The following ATP9A variants were observed in gnomAD, a reference collection of about 807,000 sequenced individuals.
The protein encoded by ATP9A is probable phospholipid-transporting ATPase IIA.
In ATP9A, 52 loss-of-function variants were observed where a neutral mutation model predicts 144.1. The observed-to-expected ratio is 0.36, with a 90% CI of 0.29 to 0.45. ATP9A has a LOEUF of 0.45. Ranked by LOEUF, ATP9A falls within the 20% of genes least tolerant of loss-of-function variation. ATP9A has a pLI of 1.00. For missense variants in ATP9A, 947 were observed against 1,392.7 expected, an observed-to-expected ratio of 0.68 and a Z score of 5.09; for synonymous variants, 582 against 557.4, an observed-to-expected ratio of 1.04 and a Z score of -0.62.
rs2077124736 is a variant in ATP9A at position 51,597,623 on chromosome 20, G to A, written c.*3588C>T. 6.6e-6 allele frequency: 1 copy of A among 152,146 alleles called. No individual in the cohort carries two copies. The highest frequency in any genetic ancestry group is 1.5e-5 in the Non-Finnish European group (1 of 68,038). 9.4% of individuals were successfully genotyped at this position (152,146 alleles called of 1,614,324 possible). ...GGTGTTTAAGTAGGATGGAGCAGAA[G>A]AATGTACATGTCCCATTTGCAATTT... is the stretch of plus-strand genomic sequence containing the variant. On this transcript the variant is annotated 3_prime_UTR_variant, in exon 28 of 28. Coordinates refer to ENST00000338821, the MANE Select transcript of ATP9A (RefSeq NM_006045.3).
chr20:51,675,499 CAGG>C (rs2077473114), intron 10 of ATP9A, among the ~76,000 whole-genome samples: 1 of 152,172 alleles, frequency 6.6e-6, no homozygotes, highest in Non-Finnish European at 1.5e-5. Flanking sequence ...CATGCACTCA[CAGG>C]GCTGTTATGA....
At chr20:51,752,876 G>T (rs1461668404) in intron 1 of ATP9A, among the ~76,000 whole-genome samples, 1 of 152,174 alleles carries the variant, frequency 6.6e-6, no homozygotes, top group Non-Finnish European at 1.5e-5. Context: ...GCCAAGGTGG[G>T]TGGATCACCT....
intron 1 of ATP9A, among the ~76,000 whole-genome samples, chr20:51,751,393 G>A (rs1422586760): frequency 6.6e-6 from 1 of 150,504 alleles, no homozygotes; most frequent in Non-Finnish European, 1.5e-5. Flanking sequence ...CCAAGTAACT[G>A]AGACCACAAA....
At chr20:51,644,051 C>T (rs185726637) in intron 14 of ATP9A, among the ~76,000 whole-genome samples, 3 of 151,956 alleles carry the variant, frequency 2.0e-5, no homozygotes, top group South Asian at 2.1e-4. Flanking sequence ...AGGAGAATCG[C>T]GTGAACCCCA....
At chr20:51,727,460 C>G (rs1435366319) in intron 2 of ATP9A, among the ~76,000 whole-genome samples, 1 of 151,764 alleles carries the variant, frequency 6.6e-6, no homozygotes, top group Non-Finnish European at 1.5e-5. Flanking sequence ...GTGGCATGCA[C>G]CCGTAGTCCC....
chr20:51,694,032 G>A lies in ATP9A; in HGVS notation c.618C>T (p.Cys206=), dbSNP rs1429231305. The A allele has an allele frequency of 1.2e-6, 2 of 1,613,874 alleles. No homozygotes were observed. The highest frequency in any genetic ancestry group is 1.3e-5 in the African/African-American group (1 of 75,038). The change falls in exon 7 of 28, where the codon TGC becomes TGT. Residue 206 remains cysteine, a synonymous_variant. Coordinates refer to ENST00000338821, the MANE Select transcript of ATP9A (RefSeq NM_006045.3). The stretch of plus-strand genomic sequence containing the variant: ...CGGCGGCCGTGGGGAGCCTCTGCGT[G>A]CAGGCCACGGGAAGCCGCAGCTTCC... The part of the protein sequence containing the change: ...TDWKLRLPVA[C]TQRLPTAADL...
chr20:51,633,466 T>C (rs961023086), intron 15 of ATP9A, among the ~76,000 whole-genome samples: 6 of 152,212 alleles, frequency 3.9e-5, no homozygotes, highest in East Asian at 3.9e-4. Flanking sequence ...GATGAACTGG[T>C]CAGGCACGGT....
intron 4 of ATP9A, among the ~76,000 whole-genome samples, chr20:51,706,854 ACAG>A (rs1438050594): frequency 6.6e-6 from 1 of 152,154 alleles, no homozygotes; most frequent in African/African-American, 2.4e-5. Context: ...CCTAATTTGA[ACAG>A]CAGTTTTTCA....
intron 27 of ATP9A, among the ~76,000 whole-genome samples, chr20:51,604,259 A>G (rs940344983): frequency 1.1e-4 from 16 of 152,150 alleles, no homozygotes; most frequent in South Asian, 1.0e-3. Flanking sequence ...ATCTGCCACC[A>G]TAATCCTGGC....
At chr20:51,696,216 C>G in intron 5 of ATP9A, 72 bp from the exon 6 acceptor site, 2 of 1,406,106 alleles carry the variant, frequency 1.4e-6, no homozygotes, top group Non-Finnish European at 2.0e-6. Flanking sequence ...GGGGGGCTTC[C>G]GCCCCCACCC....
At chr20:51,703,869 C>G (rs1240230420) in intron 4 of ATP9A, among the ~76,000 whole-genome samples, 1 of 152,092 alleles carries the variant, frequency 6.6e-6, no homozygotes, top group South Asian at 2.1e-4. Flanking sequence ...TTTTGTAGAT[C>G]TCTAACAACA....
intron 9 of ATP9A, among the ~76,000 whole-genome samples, chr20:51,686,268 G>A (rs571574610): frequency 5.3e-5 from 8 of 151,962 alleles, no homozygotes; most frequent in Non-Finnish European, 1.2e-4. Flanking sequence ...TAATGTACAT[G>A]ACGAGTTAAT....
chr20:51,754,295 A>T (rs1358494505), intron 1 of ATP9A, among the ~76,000 whole-genome samples: 1 of 151,728 alleles, frequency 6.6e-6, no homozygotes, highest in Non-Finnish European at 1.5e-5. Flanking sequence ...TGAGGTCGGG[A>T]GTTCAAGACC....
Position 51,676,188 on chromosome 20 carries a change from GAAC to G in ATP9A, c.817_819del (p.Val273del). 6.4e-7 allele frequency: 1 copy of G among 1,553,640 alleles called. No homozygotes were observed. Among genetic ancestry groups the G allele is most frequent in the Non-Finnish European group, 8.7e-7 (1 of 1,151,388 alleles). ...CTCCGGAGTTCTCTGCCAGTGTAAA[GAAC>G]AACACCCACAACAGTACCTAAAATG... On this transcript the variant is annotated inframe_deletion, in exon 10 of 28. Transcript: ENST00000338821.
chr20:51,768,014 G>A (rs1395411461), intron 1 of ATP9A, among the ~76,000 whole-genome samples: 1 of 152,194 alleles, frequency 6.6e-6, no homozygotes, highest in African/African-American at 2.4e-5. Context: ...CCGCGAGTGT[G>A]TAAACAGCAC....
intron 1 of ATP9A, among the ~76,000 whole-genome samples, chr20:51,745,313 T>C (rs2122894831): frequency 6.7e-6 from 1 of 150,006 alleles, no homozygotes; most frequent in African/African-American, 2.5e-5. Context: ...CGGGTGCCTG[T>C]AGTCCCAGCT....
At chr20:51,749,220 A>G (rs2077821292) in intron 1 of ATP9A, among the ~76,000 whole-genome samples, 1 of 152,146 alleles carries the variant, frequency 6.6e-6, no homozygotes, top group Non-Finnish European at 1.5e-5. Context: ...ATAATTTCAA[A>G]AAGGGAATGA....
At chr20:51,684,777 G>A (rs1250981887) in intron 9 of ATP9A, among the ~76,000 whole-genome samples, 1 of 151,480 alleles carries the variant, frequency 6.6e-6, no homozygotes. Flanking sequence ...TTGGTAGGCT[G>A]AGACAGGTGG....
chr20:51,630,388 T>C (rs575761742), intron 15 of ATP9A, among the ~76,000 whole-genome samples: 14 of 152,316 alleles, frequency 9.2e-5, no homozygotes, highest in African/African-American at 3.1e-4. Context: ...TCATTGAATA[T>C]GGAACCGTGG....
Sources: allele counts gnomAD v4.1 joint callset (sites outside exome capture counted in the v4.1 genomes callset), GRCh38; gene constraint gnomAD v4.1.1; transcripts MANE v1.5; gene names NCBI Gene and HGNC (gene_info 2026-07-23, HGNC 2026-07-21).